The following CHD1L variants were observed in gnomAD, a reference collection of about 807,000 sequenced individuals.
The protein encoded by CHD1L is chromodomain helicase DNA binding protein 1 like.
In CHD1L, 118 loss-of-function variants were observed where a neutral mutation model predicts 115.9. That is an observed-to-expected ratio of 1.02 (90% confidence interval 0.88 to 1.19). CHD1L has a LOEUF of 1.19. Among genes scored for constraint, CHD1L ranks in the 50% most tolerant of loss-of-function variants. CHD1L has a pLI of 0.00. For missense variants in CHD1L, 1,179 were observed against 1,065.3 expected, an observed-to-expected ratio of 1.11 and a Z score of -1.49; for synonymous variants, 411 against 387.1, an observed-to-expected ratio of 1.06 and a Z score of -0.72.
chr1:147,179,760 C>G, the CHD1L span: 6 of 622,298 alleles, frequency 9.6e-6, no homozygotes, highest in East Asian at 1.4e-4. Flanking sequence ...AATCTGAATC[C>G]TGTTAAATTT....
In CHD1L at chr1:147,264,148, A is replaced by G. The variant is rs184456548; in HGVS notation, c.577-274A>G. On this transcript the variant is annotated intron_variant, in intron 6 of 22. Coordinates refer to ENST00000369258, the MANE Select transcript of CHD1L (RefSeq NM_004284.6). ...AACAGCCATATTAAATTCTCATGCAATACTTCAGAGTTCACAAAGTGTTAC... is the reference window on the plus strand; with the variant it reads ...AACAGCCATATTAAATTCTCATGCAGTACTTCAGAGTTCACAAAGTGTTAC... Among the ~76,000 whole-genome samples, 37 of 152,312 alleles carry G rather than the reference A, an allele frequency of 2.4e-4. No individual in the cohort carries two copies. In the East Asian group the frequency reaches 6.7e-3, roughly 28 times the overall value.
chr1:147,184,280 G>A, the CHD1L span: 1 of 346,196 alleles, frequency 2.9e-6, no homozygotes, highest in African/African-American at 2.1e-5. This position sits in a 1 kb window ranked among gnomAD's most constrained non-coding sequence, Gnocchi z 4.4. Context: ...AAGAAAAGTT[G>A]CAAAAATAGT....
chr1:147,215,225 T>A, the CHD1L span: 4 of 152,362 alleles, frequency 2.6e-5, no homozygotes, highest in African/African-American at 9.6e-5. Flanking sequence ...TCTAAGTTAG[T>A]TAGTGGTAGG....
intron 20 of CHD1L, 129 bp downstream of exon 20, chr1:147,291,681 C>G: frequency 2.8e-6 from 2 of 706,932 alleles, no homozygotes; most frequent in East Asian, 2.6e-5. Context: ...CAAAAAGACA[C>G]AGACTAGGTA....
At chr1:147,233,686 G>A in the CHD1L span, among the ~76,000 whole-genome samples, 1 of 152,178 alleles carries the variant, frequency 6.6e-6, no homozygotes, top group East Asian at 1.9e-4. Context: ...TGAGAAATCG[G>A]ATGGTTGCCG....
chr1:147,235,077 A>C, the CHD1L span, among the ~76,000 whole-genome samples: 6 of 134,618 alleles, frequency 4.5e-5, no homozygotes, highest in Non-Finnish European at 9.6e-5. Context: ...CATGGAGTAG[A>C]TATCCCACAC....
chr1:147,179,431 GA>G, the CHD1L span: 4 of 1,594,608 alleles, frequency 2.5e-6, no homozygotes, highest in Non-Finnish European at 3.4e-6. Context: ...CACAGCCAAT[GA>G]TGTGCCTTCT....
At chr1:147,291,744 G>A (rs1685613230) in intron 20 of CHD1L, among the ~76,000 whole-genome samples, 192 bp downstream of exon 20, 2 of 152,118 alleles carry the variant, frequency 1.3e-5, no homozygotes, top group Non-Finnish European at 2.9e-5. Context: ...GAAAGTCCAA[G>A]ATCAAGGTAT....
chr1:147,226,383 C>T, the CHD1L span, among the ~76,000 whole-genome samples: 20 of 152,256 alleles, frequency 1.3e-4, 1 homozygote, highest in East Asian at 3.5e-3. Flanking sequence ...CTCAGAGGGG[C>T]TTACAGATTA....
chr1:147,264,693 C>A, intron 7 of CHD1L, 109 bp downstream of exon 7: 1 of 1,154,816 alleles, frequency 8.7e-7, no homozygotes, highest in Non-Finnish European at 1.2e-6. Context: ...CAGAGGACAC[C>A]TTCCAGGGAG....
chr1:147,257,987 T>C (rs1670661551), intron 5 of CHD1L, among the ~76,000 whole-genome samples: 1 of 152,202 alleles, frequency 6.6e-6, no homozygotes, highest in South Asian at 2.1e-4. Context: ...TATAATGCTG[T>C]CCTGTAGTAT....
At chr1:147,240,860 ACT>A (rs1470708056), upstream of CHD1L, among the ~76,000 whole-genome samples, 7 of 151,852 alleles carry the variant, frequency 4.6e-5, no homozygotes, top group Non-Finnish European at 7.4e-5. Flanking sequence ...GCCACATCCC[ACT>A]CTCTGAGAAA....
the CHD1L span, chr1:147,208,631 G>T: frequency 2.5e-6 from 1 of 400,708 alleles, no homozygotes; most frequent in South Asian, 2.3e-5. Flanking sequence ...TAGAGATGGG[G>T]TTTCACCGTG....
the CHD1L span, chr1:147,204,788 G>T: frequency 6.3e-7 from 1 of 1,586,148 alleles, no homozygotes; most frequent in Non-Finnish European, 8.7e-7. Context: ...ATTCCATTTC[G>T]TCCATATGCT....
At chr1:147,295,359 C>T (rs1261509875) in intron 22 of CHD1L, 72 bp from the exon 23 acceptor site, 3 of 950,980 alleles carry the variant, frequency 3.2e-6, no homozygotes, top group African/African-American at 1.6e-5. Flanking sequence ...TCAATAATTA[C>T]TAGAGAACTA....
chr1:147,271,675 G>C (rs782294598), intron 11 of CHD1L, among the ~76,000 whole-genome samples: 4 of 152,156 alleles, frequency 2.6e-5, no homozygotes, highest in Non-Finnish European at 5.9e-5. Flanking sequence ...GGCCATTGAG[G>C]GGTCCCCAGA....
intron 14 of CHD1L, 129 bp downstream of exon 14, chr1:147,276,386 C>T (rs1553958033): frequency 2.3e-6 from 2 of 878,730 alleles, no homozygotes; most frequent in African/African-American, 3.4e-5. Flanking sequence ...TCCCTCACAC[C>T]TGCCACAGTG....
At chr1:147,201,596 G>A in the CHD1L span, 29,023 of 866,980 alleles carry the variant, frequency 0.033, 578 homozygotes, top group African/African-American at 0.047. Flanking sequence ...AGGTAAACAG[G>A]ATGCCAATAA....
In CHD1L at chr1:147,276,155, C is replaced by T; in HGVS notation, c.1437C>T (p.Val479=). ...LIGRDTVEEI[V]YRKAASKLQL... ...GTCGAGACACTGTGGAAGAAATAGTCTATAGGAAAGCAGCCTCCAAACTGC... is the reference window on the plus strand; with the variant it reads ...GTCGAGACACTGTGGAAGAAATAGTTTATAGGAAAGCAGCCTCCAAACTGC... The change falls in exon 14 of 23, where the codon GTC becomes GTT. Residue 479 remains valine (V), a synonymous_variant. Coordinates refer to ENST00000369258, the MANE Select transcript of CHD1L (RefSeq NM_004284.6). 8 of 1,614,140 alleles carry T rather than the reference C, an allele frequency of 5.0e-6. No individual in the cohort carries two copies. The highest frequency in any genetic ancestry group is 2.2e-5 in the South Asian group (2 of 91,078).
Sources: allele counts gnomAD v4.1 joint callset (sites outside exome capture counted in the v4.1 genomes callset), GRCh38; gene constraint gnomAD v4.1.1; non-coding constraint Gnocchi (gnomAD v3.1); transcripts MANE v1.5; gene names NCBI Gene and HGNC (gene_info 2026-07-23, HGNC 2026-07-21).